EEFSEC: variants seen among roughly 807,000 people sequenced by gnomAD.
EEFSEC encodes the protein eukaryotic elongation factor, selenocysteine-tRNA specific.
A neutral mutation model predicts 42.1 loss-of-function variants in EEFSEC; 43 were observed. The observed-to-expected ratio is 1.02, with a 90% CI of 0.80 to 1.32. The LOEUF is 1.32. Among genes scored for constraint, EEFSEC ranks in the 40% most tolerant of loss-of-function variants. The pLI is 0.00. For missense variants in EEFSEC, 745 were observed against 803.6 expected (o/e 0.93, Z 0.88); for synonymous variants, 354 against 339.1 (o/e 1.04, Z -0.48).
chr3:128,402,641 T>G (rs1381816875), intron 6 of EEFSEC, among the ~76,000 whole-genome samples: 1 of 152,226 alleles, frequency 6.6e-6, no homozygotes, highest in East Asian at 1.9e-4. Flanking sequence ...GACATCTTTG[T>G]GTAGAAATCT....
At chr3:128,254,932 T>C (rs1030973994) in intron 2 of EEFSEC, among the ~76,000 whole-genome samples, 3 of 152,068 alleles carry the variant, frequency 2.0e-5, no homozygotes, top group South Asian at 2.1e-4. Flanking sequence ...TCAGGATGGA[T>C]TGGAGCAAGA....
intron 1 of EEFSEC, among the ~76,000 whole-genome samples, chr3:128,242,233 C>T (rs917596542): frequency 2.6e-5 from 4 of 151,962 alleles, no homozygotes; most frequent in Admixed American, 1.3e-4. Context: ...ACAGGAGGAT[C>T]GTTTGAGCCC....
In EEFSEC at chr3:128,316,453, C is replaced by T. The variant is rs374356310; in HGVS notation, c.787-24780C>T. Among the ~76,000 whole-genome samples, 30 of 152,348 alleles carry T rather than the reference C, an allele frequency of 2.0e-4. No individual in the cohort carries two copies. The South Asian group carries it at 6.0e-3, about 31-fold the overall frequency. Reference sequence around the variant, plus strand: ...GCTCTCCCCCTCTCTTCACTCACTGCATCCTGGTCCACAGAAGAGCGCTCC... The same window carrying T: ...GCTCTCCCCCTCTCTTCACTCACTGTATCCTGGTCCACAGAAGAGCGCTCC... On this transcript the variant is annotated intron_variant, in intron 4 of 6. Coordinates refer to ENST00000254730, the MANE Select transcript of EEFSEC (RefSeq NM_021937.5).
At chr3:128,169,504 T>G (rs2955120) in intron 1 of EEFSEC, among the ~76,000 whole-genome samples, 64,451 of 152,116 alleles carry the variant, frequency 0.42, 16,375 homozygotes, top group African/African-American at 0.71. Flanking sequence ...GCCTTCTGGA[T>G]ATGCCTGGTC....
At chr3:128,307,933 G>T (rs954243288) in intron 4 of EEFSEC, among the ~76,000 whole-genome samples, 1 of 152,210 alleles carries the variant, frequency 6.6e-6, no homozygotes, top group Non-Finnish European at 1.5e-5. Flanking sequence ...TGTGGCAGGC[G>T]AGAGCACATG....
chr3:128,261,321 C>A (rs1485733244), intron 2 of EEFSEC, among the ~76,000 whole-genome samples: 1 of 152,186 alleles, frequency 6.6e-6, no homozygotes, highest in Non-Finnish European at 1.5e-5. Flanking sequence ...TTCATTTAAA[C>A]CTCACATTAT....
At position 128,263,726 on chromosome 3, in the gene EEFSEC, A is replaced by G. The variant is rs917044877; in HGVS notation, c.622-891A>G. On this transcript the variant is annotated intron_variant, in intron 3 of 6. Transcript: ENST00000254730. ...TGACAGCCTGTTCCCTTACGAAGTG[A>G]AAAAGTAGCAAACACAAGGAATCCT... is the stretch of plus-strand genomic sequence containing the variant. Among the ~76,000 whole-genome samples, 16 of 152,238 alleles carry G rather than the reference A, an allele frequency of 1.1e-4. No individual in the cohort carries two copies. The South Asian group carries it at 1.7e-3, about 16-fold the overall frequency.
At chr3:128,352,252 T>C (rs1445265710) in intron 5 of EEFSEC, among the ~76,000 whole-genome samples, 1 of 152,226 alleles carries the variant, frequency 6.6e-6, no homozygotes, top group African/African-American at 2.4e-5. Context: ...CACAGCATCC[T>C]GTAGGAATGT....
At chr3:128,334,232 C>T (rs552348821) in intron 4 of EEFSEC, among the ~76,000 whole-genome samples, 1 of 152,346 alleles carries the variant, frequency 6.6e-6, no homozygotes, top group East Asian at 1.9e-4. Flanking sequence ...TCTTACTTGC[C>T]CATTGGCATT....
intron 4 of EEFSEC, among the ~76,000 whole-genome samples, chr3:128,315,801 T>G (rs2066938957): frequency 6.6e-6 from 1 of 152,246 alleles, no homozygotes; most frequent in Admixed American, 6.5e-5. Flanking sequence ...AACTTTTATA[T>G]GAATTTCCTT....
chr3:128,286,753 G>A (rs920007473), intron 4 of EEFSEC, among the ~76,000 whole-genome samples: 2 of 152,204 alleles, frequency 1.3e-5, no homozygotes, highest in Admixed American at 6.5e-5. Flanking sequence ...TGCTGCTGGG[G>A]CATCATTGCT....
At chr3:128,335,707 G>A (rs2067182720) in intron 4 of EEFSEC, among the ~76,000 whole-genome samples, 1 of 152,138 alleles carries the variant, frequency 6.6e-6, no homozygotes, top group Admixed American at 6.5e-5. Context: ...CAGGCTGTGG[G>A]GAAGAACAGG....
chr3:128,412,030 C>T (rs181628348), downstream of EEFSEC, among the ~76,000 whole-genome samples: 47 of 152,334 alleles, frequency 3.1e-4, no homozygotes, highest in African/African-American at 1.1e-3. Flanking sequence ...GTGTGTATCT[C>T]TTTGGGTGTG....
intron 1 of EEFSEC, among the ~76,000 whole-genome samples, chr3:128,192,777 C>T (rs989573672): frequency 1.3e-5 from 2 of 152,150 alleles, no homozygotes; most frequent in African/African-American, 4.8e-5. Flanking sequence ...AGACACCTCC[C>T]ACCCCCAATA....
At chr3:128,342,618 G>A (rs2067268335) in intron 5 of EEFSEC, among the ~76,000 whole-genome samples, 1 of 152,250 alleles carries the variant, frequency 6.6e-6, no homozygotes, top group Non-Finnish European at 1.5e-5. Context: ...AGTAGGATGA[G>A]GCCCTGGCTG....
intron 6 of EEFSEC, among the ~76,000 whole-genome samples, chr3:128,369,520 T>C (rs1381079274): frequency 1.3e-5 from 2 of 152,168 alleles, no homozygotes; most frequent in Admixed American, 1.3e-4. Context: ...CCAAATTAAC[T>C]TTTACTGAGA....
At chr3:128,257,305 G>C (rs1181205737) in intron 2 of EEFSEC, among the ~76,000 whole-genome samples, 3 of 152,172 alleles carry the variant, frequency 2.0e-5, no homozygotes, top group Non-Finnish European at 4.4e-5. Context: ...CTTTAATTCT[G>C]TTGTGAGTAT....
In EEFSEC at chr3:128,297,387, C is replaced by G. The variant is rs563766397; in HGVS notation, c.786+32606C>G. Reference sequence around the variant, plus strand: ...ATTTGTGGATTGAGCCCCTGAACCTCACTGCTGTAGTTTCCTTTGTGGAAG... The same window carrying G: ...ATTTGTGGATTGAGCCCCTGAACCTGACTGCTGTAGTTTCCTTTGTGGAAG... On this transcript the variant is annotated intron_variant, in intron 4 of 6. Coordinates refer to ENST00000254730, the MANE Select transcript of EEFSEC (RefSeq NM_021937.5). Among the ~76,000 whole-genome samples the G allele has an allele frequency of 2.6e-5, 4 of 152,292 alleles. No individual in the cohort carries two copies. The East Asian group carries it at 7.7e-4, about 29-fold the overall frequency.
intron 1 of EEFSEC, among the ~76,000 whole-genome samples, chr3:128,167,796 A>T (rs979619105): frequency 1.3e-5 from 2 of 152,212 alleles, no homozygotes; most frequent in African/African-American, 4.8e-5. Flanking sequence ...TATAACATAG[A>T]TCCCTCCCAG....
Sources: allele counts gnomAD v4.1 joint callset (sites outside exome capture counted in the v4.1 genomes callset), GRCh38; gene constraint gnomAD v4.1.1; transcripts MANE v1.5; gene names NCBI Gene and HGNC (gene_info 2026-07-23, HGNC 2026-07-21).